ROBO2: variants seen among roughly 807,000 people sequenced by gnomAD.
ROBO2 encodes the protein roundabout guidance receptor 2.
ROBO2 carries 53 observed loss-of-function variants against 160.8 expected under a neutral mutation model. That is an observed-to-expected ratio of 0.33 (90% CI 0.26 to 0.41). ROBO2 has a LOEUF of 0.41. Among genes scored for constraint, ROBO2 ranks in the 10% least tolerant of loss-of-function variants. ROBO2 has a pLI of 1.00. For missense variants in ROBO2, 1,577 were observed against 1,722.4 expected (o/e 0.92, Z 1.49); for synonymous variants, 664 against 611.7 (o/e 1.09, Z -1.26).
chr3:76,117,445 TTCC>T (rs1293476878), intron 2 of ROBO2, among the ~76,000 whole-genome samples: 1 of 152,154 alleles, frequency 6.6e-6, no homozygotes, highest in African/African-American at 2.4e-5. Context: ...TAGTTACTGT[TTCC>T]AACAGAAATT....
chr3:76,241,606 T>G (rs1576052683), intron 2 of ROBO2, among the ~76,000 whole-genome samples: 1 of 152,340 alleles, frequency 6.6e-6, no homozygotes, highest in East Asian at 1.9e-4. Context: ...ATTTCACACC[T>G]TAGCCTTCAG....
At position 76,912,298 on chromosome 3, in the gene ROBO2, C is replaced by A. The variant is rs867244495; in HGVS notation, c.110-185716C>A. Among the ~76,000 whole-genome samples the A allele has an allele frequency of 8.7e-4, 132 of 152,162 alleles. 1 individual carries two copies. The highest frequency in any genetic ancestry group is 3.1e-3 in the African/African-American group (129 of 41,528). On this transcript the variant is annotated intron_variant, in intron 2 of 26. Transcript: ENST00000487694. ...TGAAAATTTTTTAGTTCTAGTGATA[C>A]AATAAGGTTTTATATTCAGAAATAA...
intron 2 of ROBO2, among the ~76,000 whole-genome samples, chr3:76,720,843 G>T (rs1400108547): frequency 6.6e-6 from 1 of 152,292 alleles, no homozygotes; most frequent in East Asian, 1.9e-4. Context: ...TAGTCATCAA[G>T]AGCATTTTGT....
intron 2 of ROBO2, among the ~76,000 whole-genome samples, chr3:76,660,348 T>C (rs2091763915): frequency 6.6e-6 from 1 of 152,152 alleles, no homozygotes; most frequent in African/African-American, 2.4e-5. Context: ...TCGAAGAGTA[T>C]AGTAGCAACA....
intron 2 of ROBO2, among the ~76,000 whole-genome samples, chr3:76,967,712 T>C (rs2059376338): frequency 6.6e-6 from 1 of 151,324 alleles, no homozygotes; most frequent in South Asian, 2.1e-4. Flanking sequence ...GTTTTGTTTG[T>C]TGTTTTTGTT....
At chr3:76,457,794 G>T (rs115590142) in intron 2 of ROBO2, among the ~76,000 whole-genome samples, 3,840 of 152,242 alleles carry the variant, frequency 0.025, 69 homozygotes, top group South Asian at 0.048. Flanking sequence ...GCACCCTGAG[G>T]CTCAACACCA....
chr3:76,398,015 C>T (rs1290307260), intron 2 of ROBO2, among the ~76,000 whole-genome samples: 2 of 152,094 alleles, frequency 1.3e-5, no homozygotes, highest in Admixed American at 1.3e-4. Flanking sequence ...GCCATAAAGA[C>T]ACATGTACAC....
At chr3:77,493,158 A>T in intron 4 of ROBO2, 86 bp from the exon 5 acceptor site, 2 of 1,421,402 alleles carry the variant, frequency 1.4e-6, no homozygotes, top group Admixed American at 1.7e-5. Flanking sequence ...AAAGTAAATT[A>T]GGTTTCCTTT....
At chr3:76,621,203 A>G (rs1158880338) in intron 2 of ROBO2, among the ~76,000 whole-genome samples, 2 of 151,724 alleles carry the variant, frequency 1.3e-5, no homozygotes, top group Non-Finnish European at 2.9e-5. Context: ...TGTATGTTAC[A>G]GATTTGTGTG....
intron 2 of ROBO2, among the ~76,000 whole-genome samples, chr3:76,789,779 A>G (rs2063230833): frequency 1.3e-5 from 2 of 151,622 alleles, no homozygotes; most frequent in Admixed American, 6.6e-5. Flanking sequence ...TAAGAAATAG[A>G]ACGTCAAGAA....
At chr3:75,922,213 C>G (rs1947088694) in intron 1 of ROBO2, among the ~76,000 whole-genome samples, 1 of 152,018 alleles carries the variant, frequency 6.6e-6, no homozygotes. Flanking sequence ...TTTATAGTTG[C>G]ACAAAGGTAT....
In ROBO2 at chr3:76,435,954, T is replaced by C. The variant is rs867935235; in HGVS notation, c.109+498352T>C. On this transcript the variant is annotated intron_variant, in intron 2 of 26. Transcript: ENST00000487694. The stretch of plus-strand genomic sequence containing the variant: ...AGGCTGAGGCTTGGCCATCTAGCAT[T>C]CCATGCAAAATTGTGTCCTATAAGC... Among the ~76,000 whole-genome samples, 3 of 152,214 alleles carry C rather than the reference T, an allele frequency of 2.0e-5. No individual in the cohort carries two copies. In the Middle Eastern group the frequency reaches 0.01, roughly 518 times the overall value.
intron 2 of ROBO2, among the ~76,000 whole-genome samples, chr3:76,962,739 C>A (rs557615468): frequency 6.6e-6 from 1 of 151,682 alleles, no homozygotes; most frequent in Non-Finnish European, 1.5e-5. Flanking sequence ...GCCAAGAGTT[C>A]GAGGCTGCAG....
chr3:76,555,423 AGGAGAAGGGGAAGGG>A (rs2083710572), intron 2 of ROBO2, among the ~76,000 whole-genome samples: 1 of 75,298 alleles, frequency 1.3e-5, no homozygotes, highest in Non-Finnish European at 3.0e-5. Flanking sequence ...AGAAGAAAGA[AGGAGAAGGGGAAGGG>A]GAAGAGGAAG....
intron 2 of ROBO2, among the ~76,000 whole-genome samples, chr3:77,244,988 A>G (rs2089553760): frequency 6.6e-6 from 1 of 152,004 alleles, no homozygotes; most frequent in South Asian, 2.1e-4. Flanking sequence ...GGTCTTTGAA[A>G]TAATTTTATT....
At chr3:75,980,153 C>A (rs986528554) in intron 2 of ROBO2, among the ~76,000 whole-genome samples, 3 of 151,444 alleles carry the variant, frequency 2.0e-5, no homozygotes, top group African/African-American at 7.3e-5. Flanking sequence ...ATTTTGCCGT[C>A]ACGGACTTCA....
chr3:76,580,327 T>TTTG (rs796983322), intron 2 of ROBO2, among the ~76,000 whole-genome samples: 3 of 114,146 alleles, frequency 2.6e-5, no homozygotes, highest in Non-Finnish European at 3.8e-5. Context: ...GTTTTTTTTT[T>TTTG]GTTTTTTTTT....
rs756292654 is a variant in ROBO2, at chr3:77,577,620, A to G, written c.2328+6A>G. The G allele has an allele frequency of 1.9e-6, 3 of 1,612,760 alleles. No individual in the cohort carries two copies. The East Asian group carries it at 6.7e-5, about 36-fold the overall frequency. ...GAATTATCCAAGAATACAAGGTAGG[A>G]CCCGGGTGAAGAAGGACAGCTCTCA... On this transcript the variant is annotated splice_donor_region_variant and intron_variant, in intron 15 of 25. Coordinates refer to ENST00000461745, the Ensembl canonical transcript of ROBO2.
rs2093039029 is a variant in ROBO2 at position 77,554,531 on chromosome 3, G to A, written c.1232-3413G>A. Among the ~76,000 whole-genome samples, 3 of 152,110 alleles carry A rather than the reference G, an allele frequency of 2.0e-5. No individual in the cohort carries two copies. The South Asian group carries it at 6.2e-4, about 31-fold the overall frequency. ...CTGGAAAGGATATACCATTATAGAT[G>A]CCATTAAGAACATTTATGATTTATG... On this transcript the variant is annotated intron_variant, in intron 8 of 25. Coordinates refer to ENST00000461745, the Ensembl canonical transcript of ROBO2.
Sources: allele counts gnomAD v4.1 joint callset (sites outside exome capture counted in the v4.1 genomes callset), GRCh38; gene constraint gnomAD v4.1.1; transcripts MANE v1.5; gene names NCBI Gene and HGNC (gene_info 2026-07-23, HGNC 2026-07-21).